Variants in NAT10 observed in about 807,000 individuals in gnomAD.
NAT10 encodes the protein N-acetyltransferase 10, also known as RNA cytidine acetyltransferase.
NAT10 carries 109 observed loss-of-function variants against 132.2 expected under a neutral mutation model. The ratio of observed to expected loss-of-function variants is 0.82; its 90% CI spans 0.71 to 0.97. The LOEUF (loss-of-function observed/expected upper bound fraction) is 0.97. Ranked by LOEUF, NAT10 falls within the 50% of genes least tolerant of loss-of-function variation. The pLI is 0.00. For synonymous variants in NAT10, 479 were observed against 478.0 expected (o/e 1.00, Z -0.03); for missense variants, 1,184 against 1,263.4 (o/e 0.94, Z 0.95).
intron 6 of NAT10, among the ~76,000 whole-genome samples, 186 bp downstream of exon 6, chr11:34,116,070 G>A (rs1041084378): frequency 7.2e-5 from 11 of 152,232 alleles, no homozygotes; most frequent in Non-Finnish European, 1.6e-4. Context: ...GTGGAAAGTT[G>A]GAGCCAGGAA....
intron 13 of NAT10, 22 bp from the exon 14 acceptor site, chr11:34,131,353 CTTTTGT>C (rs1211171747): frequency 1.3e-6 from 2 of 1,582,728 alleles, no homozygotes; most frequent in Admixed American, 3.6e-5. Context: ...ATTGTTTCTT[CTTTTGT>C]GTGTGTGATT....
chr11:34,112,500 C>T (rs186959714), intron 4 of NAT10, among the ~76,000 whole-genome samples: 9 of 152,352 alleles, frequency 5.9e-5, no homozygotes, highest in Admixed American at 5.9e-4. Flanking sequence ...GCTGATAAAG[C>T]AAATGCCAGA....
In NAT10 at chr11:34,108,233, G is replaced by A. The variant is rs753292389; in HGVS notation, c.8G>A (p.Arg3Gln). 7 of 1,613,464 alleles carry A rather than the reference G, an allele frequency of 4.3e-6. No individual in the cohort carries two copies. The highest frequency in any genetic ancestry group is 4.5e-5 in the East Asian group (2 of 44,876). Reference protein sequence around the residue: MHRKKVDNRIRIL... With the variant: MHQKKVDNRIRIL... ...TAGTAATAATTTTTCACCATGCATC[G>A]GAAAAAGGTGGATAACCGAATCCGG... The change falls in exon 2 of 29, where the codon CGG (arginine) becomes CAG (glutamine). Residue 3 changes from arginine to glutamine, a missense_variant. By Grantham distance (43) the Arg-to-Gln change is conservative. Coordinates refer to ENST00000257829, the MANE Select transcript of NAT10 (RefSeq NM_024662.3).
intron 3 of NAT10, among the ~76,000 whole-genome samples, 163 bp from the exon 4 acceptor site, chr11:34,111,889 C>T (rs527560397): frequency 6.6e-6 from 1 of 152,344 alleles, no homozygotes; most frequent in East Asian, 1.9e-4. Flanking sequence ...TAATGCCTCT[C>T]ATGCCTCTCC....
chr11:34,141,320 G>GTC (rs1354497247), intron 25 of NAT10, 112 bp downstream of exon 25: 18 of 1,329,110 alleles, frequency 1.4e-5, no homozygotes, highest in South Asian at 3.9e-5. Context: ...GCTGCATCTC[G>GTC]TCACACACAC....
chr11:34,126,185 A>G (rs554465989), intron 11 of NAT10, among the ~76,000 whole-genome samples: 1 of 152,330 alleles, frequency 6.6e-6, no homozygotes, highest in South Asian at 2.1e-4. Flanking sequence ...TTCAAATGTC[A>G]TTTAGATTTT....
chr11:34,146,241 C>T lies in NAT10; in HGVS notation c.*49C>T. ...GTTTGATCATGGGAAGATACTCTCA[C>T]TAACTGAACCCTCTCTGGCTGGACT... On this transcript the variant is annotated 3_prime_UTR_variant, in exon 29 of 29. Transcript: ENST00000257829. 1 of 1,341,746 alleles carries T rather than the reference C, an allele frequency of 7.5e-7. No homozygotes were observed. The highest frequency in any genetic ancestry group is 1.0e-6 in the Non-Finnish European group (1 of 967,168). 83.1% of individuals were successfully genotyped at this position (1,341,746 alleles called of 1,614,324 possible). A position where few individuals can be genotyped will look rare whatever the true frequency, so the allele number is the denominator to read the frequency against.
At position 34,132,177 on chromosome 11, in the gene NAT10, T is replaced by C. The variant is rs770936080; in HGVS notation, c.1573T>C (p.Phe525Leu). Residue 525 changes from phenylalanine (F) to leucine (L), a missense_variant, in exon 15 of 29, where the codon TTC (phenylalanine) becomes CTC (leucine). Physicochemically the swap from Phe to Leu is conservative, Grantham distance 22. Transcript: ENST00000257829. ...LFCYHKASEV[F>L]LQRLMALYVA... is the part of the protein sequence containing the mutation. ...TTGCTACCACAAGGCCTCTGAAGTT[T>C]TCCTCCAACGGCTTATGGCCCTCTA... 6.2e-7 allele frequency: 1 copy of C among 1,614,188 alleles called. No homozygotes were observed. The highest frequency in any genetic ancestry group is 2.2e-5 in the East Asian group (1 of 44,884).
intron 22 of NAT10, 41 bp from the exon 23 acceptor site, chr11:34,139,344 A>T: frequency 6.2e-7 from 1 of 1,609,592 alleles, no homozygotes; most frequent in Non-Finnish European, 8.5e-7. Flanking sequence ...GCTGCCGGGG[A>T]TGCCTCCAGA....
intron 6 of NAT10, among the ~76,000 whole-genome samples, chr11:34,117,503 C>G (rs1397817279): frequency 6.6e-6 from 1 of 152,188 alleles, no homozygotes; most frequent in East Asian, 1.9e-4. Flanking sequence ...GTGTAGAAAT[C>G]CGAGCCTTGA....
At chr11:34,143,269 T>C (rs1638694796) in intron 27 of NAT10, among the ~76,000 whole-genome samples, 176 bp from the exon 28 acceptor site, 1 of 152,238 alleles carries the variant, frequency 6.6e-6, no homozygotes, top group South Asian at 2.1e-4. Flanking sequence ...CCATGTCTCT[T>C]GGCCCTCCTG....
intron 12 of NAT10, among the ~76,000 whole-genome samples, chr11:34,129,599 CTTTTTTTTTTTTTT>C (rs71037399): frequency 5.3e-5 from 3 of 56,694 alleles, no homozygotes; most frequent in African/African-American, 1.5e-4. Context: ...TCTTCTTCTT[CTTTTTTTTTTTTTT>C]TTTTTTTTTT....
chr11:34,131,248 C>A, intron 13 of NAT10, 133 bp from the exon 14 acceptor site: 2 of 1,277,474 alleles, frequency 1.6e-6, no homozygotes, highest in Non-Finnish European at 2.1e-6. Context: ...TTTAAACCAC[C>A]CAGTTTAAAT....
In NAT10 at chr11:34,135,170, C is replaced by T. The variant is rs373098234; in HGVS notation, c.1912-5C>T. ...CGGCCTCTTCCCCTTCACGTTTGCTCCTAGATGGGCTATGGCAGCCGTGCT... is the reference window on the plus strand; with the variant it reads ...CGGCCTCTTCCCCTTCACGTTTGCTTCTAGATGGGCTATGGCAGCCGTGCT... On this transcript the variant is annotated splice_region_variant and splice_polypyrimidine_tract_variant and intron_variant, in intron 18 of 28. Transcript: ENST00000257829. 1.2e-6 allele frequency: 2 copies of T among 1,612,840 alleles called. No individual in the cohort carries two copies. Among genetic ancestry groups the T allele is most frequent in the African/African-American group, 1.3e-5 (1 of 74,872 alleles).
intron 15 of NAT10, 105 bp from the exon 16 acceptor site, chr11:34,132,921 T>G: frequency 1.1e-6 from 1 of 875,304 alleles, no homozygotes; most frequent in South Asian, 1.4e-5. Context: ...TCACTTGGCT[T>G]TGGAGAAGGC....
At chr11:34,136,391 C>G (rs1049410985) in intron 19 of NAT10, among the ~76,000 whole-genome samples, 1 of 152,172 alleles carries the variant, frequency 6.6e-6, no homozygotes, top group Admixed American at 6.5e-5. Context: ...CTCTGTCAGT[C>G]GTTTCTAAAC....
At chr11:34,141,272 C>T in intron 25 of NAT10, 64 bp downstream of exon 25, 1 of 1,605,218 alleles carries the variant, frequency 6.2e-7, no homozygotes, top group Non-Finnish European at 8.5e-7. Context: ...CCACTCCCTG[C>T]TCCCGAGATG....
chr11:34,107,804 A>G (rs1215931889), intron 1 of NAT10, among the ~76,000 whole-genome samples: 1 of 152,162 alleles, frequency 6.6e-6, no homozygotes, highest in Non-Finnish European at 1.5e-5. Context: ...GAACCCAGGA[A>G]GCAGAGGTTG....
chr11:34,130,674 G>A, intron 12 of NAT10, 139 bp from the exon 13 acceptor site: 1 of 1,128,492 alleles, frequency 8.9e-7, no homozygotes, highest in Non-Finnish European at 1.3e-6. Context: ...TGCTATGCTG[G>A]AAGTTCAGAG....
Sources: allele counts gnomAD v4.1 joint callset (sites outside exome capture counted in the v4.1 genomes callset), GRCh38; gene constraint gnomAD v4.1.1; transcripts MANE v1.5; gene names NCBI Gene and HGNC (gene_info 2026-07-23, HGNC 2026-07-21).